The following DZANK1 variants were observed in gnomAD, a reference collection of about 807,000 sequenced individuals.
DZANK1 encodes the protein double zinc ribbon and ankyrin repeat domains 1, also known as double zinc ribbon and ankyrin repeat-containing protein 1.
DZANK1 carries 91 observed loss-of-function variants against 94.5 expected under a neutral mutation model. The ratio of observed to expected loss-of-function variants is 0.96; its 90% CI spans 0.81 to 1.15. The LOEUF is 1.15. Among genes scored for constraint, DZANK1 ranks in the 50% most tolerant of loss-of-function variants. The probability of loss-of-function intolerance (pLI) is 0.00; values close to 1 mark genes in which losing one functional copy is unlikely to be tolerated. For synonymous variants in DZANK1, 312 were observed against 325.3 expected (o/e 0.96, Z 0.44); for missense variants, 903 against 916.4 (o/e 0.99, Z 0.19).
At chr20:18,401,475 AC>A (rs1473131520) in intron 13 of DZANK1, among the ~76,000 whole-genome samples, 3 of 152,128 alleles carry the variant, frequency 2.0e-5, no homozygotes, top group Non-Finnish European at 4.4e-5. Flanking sequence ...TACTGCCCAT[AC>A]TTCTGTGGGT....
chr20:18,410,124 T>C (rs2057178091), intron 13 of DZANK1, among the ~76,000 whole-genome samples: 1 of 149,914 alleles, frequency 6.7e-6, no homozygotes, highest in African/African-American at 2.5e-5. Flanking sequence ...AAGAGAACTA[T>C]AAATGGGGGA....
chr20:18,433,535 C>G (rs2058373233), intron 9 of DZANK1, 117 bp downstream of exon 9: 1 of 829,470 alleles, frequency 1.2e-6, no homozygotes. Flanking sequence ...GAACAAGATT[C>G]TGTCTCAAAA....
intron 4 of DZANK1, chr20:18,454,597 C>T (rs1177616785): frequency 2.6e-5 from 4 of 155,552 alleles, no homozygotes; most frequent in Admixed American, 1.2e-4. Flanking sequence ...CTAATTGACT[C>T]TTCACAGTGG....
intron 8 of DZANK1, among the ~76,000 whole-genome samples, chr20:18,438,241 AAATAACACAAAAG>A (rs2058605047): frequency 7.7e-6 from 1 of 130,328 alleles, no homozygotes; most frequent in Non-Finnish European, 1.6e-5. Context: ...AAAAAAAAAG[AAATAACACAAAAG>A]AAAGCAGTAA....
intron 19 of DZANK1, among the ~76,000 whole-genome samples, chr20:18,389,139 G>A (rs2048692297): frequency 6.6e-6 from 1 of 152,186 alleles, no homozygotes; most frequent in Admixed American, 6.5e-5. Context: ...AAGGTTATTG[G>A]ACAGGAGTGG....
intron 8 of DZANK1, among the ~76,000 whole-genome samples, chr20:18,436,335 T>A (rs2058519715): frequency 1.3e-5 from 2 of 151,226 alleles, no homozygotes; most frequent in Admixed American, 1.3e-4. Context: ...TCCCAGCTAC[T>A]TGGGAGGCTG....
In DZANK1 at chr20:18,405,464, G is replaced by A. The variant is rs187244473; in HGVS notation, c.1433-6838C>T. ...ATGAACAGAGCCTAAGAGACCCATT[G>A]GAAGCTATTGAGCATGCCAACATCT... On this transcript the variant is annotated intron_variant, in intron 13 of 20. Coordinates refer to ENST00000262547, the Ensembl canonical transcript of DZANK1. 2.6e-3 allele frequency among the ~76,000 whole-genome samples: 402 copies of A among 152,260 alleles called. 2 individuals are homozygous for A. Among genetic ancestry groups the A allele is most frequent in the Middle Eastern group, 0.024 (7 of 294 alleles).
chr20:18,465,209 C>A, intron 2 of DZANK1, 41 bp downstream of exon 2: 2 of 1,291,712 alleles, frequency 1.5e-6, no homozygotes, highest in East Asian at 2.5e-5. Context: ...AGAAATATGA[C>A]AATGTTATTT....
intron 8 of DZANK1, among the ~76,000 whole-genome samples, chr20:18,437,190 G>A (rs574006131): frequency 7.2e-5 from 11 of 152,122 alleles, no homozygotes; most frequent in African/African-American, 2.2e-4. Context: ...GTATAACACC[G>A]CATTTTTCAG....
intron 8 of DZANK1, among the ~76,000 whole-genome samples, chr20:18,439,038 C>T (rs2058635117): frequency 1.3e-5 from 2 of 152,162 alleles, no homozygotes; most frequent in Non-Finnish European, 1.5e-5. Context: ...CAACAAACCC[C>T]CAAAATACAT....
chr20:18,426,738 G>A (rs1344623937), intron 10 of DZANK1, among the ~76,000 whole-genome samples: 1 of 152,194 alleles, frequency 6.6e-6, no homozygotes. Flanking sequence ...GTGGGAAGGT[G>A]GAGGGGATGA....
At chr20:18,427,346 T>C (rs1046479503) in intron 9 of DZANK1, among the ~76,000 whole-genome samples, 187 bp from the exon 10 acceptor site, 1 of 146,398 alleles carries the variant, frequency 6.8e-6, no homozygotes. Flanking sequence ...TTTTTTTGGG[T>C]TTTTTTTTTT....
intron 2 of DZANK1, among the ~76,000 whole-genome samples, chr20:18,464,043 G>GATATACAT (rs2059561705): frequency 6.6e-6 from 1 of 151,786 alleles, no homozygotes; most frequent in African/African-American, 2.4e-5. Flanking sequence ...GTATTAGCAG[G>GATATACAT]ATATACATTC....
intron 12 of DZANK1, 160 bp from the exon 13 acceptor site, chr20:18,413,013 CCTGT>C: frequency 1.4e-6 from 1 of 691,596 alleles, no homozygotes; most frequent in Non-Finnish European, 2.4e-6. Flanking sequence ...CTTCCTTGCT[CCTGT>C]CTTTCTCAGC....
At chr20:18,402,243 T>C (rs920084622) in intron 13 of DZANK1, among the ~76,000 whole-genome samples, 1 of 152,030 alleles carries the variant, frequency 6.6e-6, no homozygotes, top group South Asian at 2.1e-4. Context: ...GTTGTTAAAC[T>C]TTCTCTAAAA....
At chr20:18,447,714 G>T (rs2058931181) in intron 7 of DZANK1, among the ~76,000 whole-genome samples, 1 of 152,010 alleles carries the variant, frequency 6.6e-6, no homozygotes, top group Admixed American at 6.6e-5. Flanking sequence ...ATGAAAAGAG[G>T]CTCAACATCA....
chr20:18,391,531 C>T (rs2055987130), intron 17 of DZANK1, among the ~76,000 whole-genome samples: 1 of 152,166 alleles, frequency 6.6e-6, no homozygotes, highest in Non-Finnish European at 1.5e-5. Context: ...CTGGGCCTGG[C>T]TGAGTAACTT....
At chr20:18,399,976 T>C (rs530613676) in intron 13 of DZANK1, among the ~76,000 whole-genome samples, 2 of 152,330 alleles carry the variant, frequency 1.3e-5, no homozygotes, top group East Asian at 3.9e-4. Flanking sequence ...AAAGAGAACA[T>C]AATTTGGAGT....
chr20:18,397,168 C>T (rs922099913), intron 14 of DZANK1, among the ~76,000 whole-genome samples: 7 of 152,126 alleles, frequency 4.6e-5, no homozygotes, highest in East Asian at 1.9e-4. Flanking sequence ...AATTGGGCAG[C>T]GGGCCAGATT....
Sources: allele counts gnomAD v4.1 joint callset (sites outside exome capture counted in the v4.1 genomes callset), GRCh38; gene constraint gnomAD v4.1.1; transcripts MANE v1.5; gene names NCBI Gene and HGNC (gene_info 2026-07-23, HGNC 2026-07-21).